Variants in SCN9A observed in about 807,000 individuals in gnomAD.
The protein encoded by SCN9A is sodium voltage-gated channel alpha subunit 9.
SCN9A carries 131 observed loss-of-function variants against 187.0 expected under a neutral mutation model. The ratio of observed to expected loss-of-function variants is 0.70; its 90% confidence interval spans 0.61 to 0.81. The LOEUF is 0.81. SCN9A is among the 30% of genes least tolerant of loss of function. The pLI is 0.00. For missense variants in SCN9A, 2,252 were observed against 2,396.6 expected (o/e 0.94, Z 1.26); for synonymous variants, 809 against 808.6 (o/e 1.00, Z -0.01).
intron 21 of SCN9A, among the ~76,000 whole-genome samples, chr2:166,231,331 A>T (rs1695074126): frequency 6.6e-6 from 1 of 152,172 alleles, no homozygotes; most frequent in African/African-American, 2.4e-5. Flanking sequence ...ACTTTTTTGT[A>T]TAATCATGAT....
At chr2:166,333,490 C>T (rs750724319) in intron 1 of SCN9A, among the ~76,000 whole-genome samples, 3 of 152,070 alleles carry the variant, frequency 2.0e-5, no homozygotes, top group Non-Finnish European at 4.4e-5. Context: ...ATGAGAACAT[C>T]GTGAAGTCCA....
intron 1 of SCN9A, among the ~76,000 whole-genome samples, chr2:166,350,950 TATA>T (rs1700019963): frequency 6.6e-6 from 1 of 152,172 alleles, no homozygotes; most frequent in African/African-American, 2.4e-5. Context: ...TGACTTTTTT[TATA>T]ATATTTTTAA....
chr2:166,367,937 A>C (rs1700457799), intron 1 of SCN9A, among the ~76,000 whole-genome samples: 1 of 152,234 alleles, frequency 6.6e-6, no homozygotes, highest in African/African-American at 2.4e-5. Context: ...AGCTGTAATT[A>C]CATGATTTAG....
At position 166,280,460 on chromosome 2, in the gene SCN9A, T is replaced by A. The variant is rs201744417; in HGVS notation, c.2240A>T (p.Asp747Val). Residue 747 changes from aspartate (D) to valine (V), a missense_variant, in exon 14 of 27, where the codon GAT (aspartate) becomes GTT (valine). Transcript: ENST00000642356. Reference protein sequence around the residue: ...IYFIVMDPFVDLAITICIVLN... With the variant: ...IYFIVMDPFVVLAITICIVLN... ...AACTATGCAAATGGTAATTGCAAGA[T>A]CTACAAAAGGATCCATTACAATAAA... The A allele has an allele frequency of 1.1e-5, 18 of 1,587,924 alleles. No individual in the cohort carries two copies. The highest frequency in any genetic ancestry group is 1.4e-5 in the Non-Finnish European group (16 of 1,164,980).
chr2:166,242,632 C>T lies in SCN9A; in HGVS notation c.3497G>A (p.Cys1166Tyr), dbSNP rs370455223. The T allele has an allele frequency of 8.4e-6, 13 of 1,551,620 alleles. No homozygotes were observed. The highest frequency in any genetic ancestry group is 9.6e-6 in the Non-Finnish European group (11 of 1,146,792). The change falls in exon 19 of 27, where the codon TGC becomes TAC. Residue 1166 changes from cysteine to tyrosine, a missense_variant. By Grantham distance (194) the Cys-to-Tyr change is radical. Coordinates refer to ENST00000642356, the MANE Select transcript of SCN9A (RefSeq NM_001365536.1). ...TTTCCCTGACTCTATGTTAACTTGG[C>T]AGCATGAGAACCTCCATACACAACC... is the stretch of plus-strand genomic sequence containing the variant. ...TDGCVWRFSC[C>Y]QVNIESGKGK... is the part of the protein sequence containing the mutation.
At chr2:166,307,707 G>T (rs924968287) in intron 2 of SCN9A, among the ~76,000 whole-genome samples, 5 of 152,050 alleles carry the variant, frequency 3.3e-5, no homozygotes, top group African/African-American at 1.2e-4. Flanking sequence ...TTTAAAAAAC[G>T]ATATGAATAG....
chr2:166,338,366 T>C (rs1699680792), intron 1 of SCN9A, among the ~76,000 whole-genome samples: 1 of 152,110 alleles, frequency 6.6e-6, no homozygotes, highest in African/African-American at 2.4e-5. Context: ...TTCGGTGCTC[T>C]TTATATTAAA....
chr2:166,306,369 A>G, intron 4 of SCN9A, 141 bp downstream of exon 4: 1 of 644,526 alleles, frequency 1.6e-6, no homozygotes, highest in South Asian at 1.8e-5. Flanking sequence ...AGAGGAGGTA[A>G]AGAACAAAAG....
At chr2:166,304,383 C>G in intron 5 of SCN9A, 54 bp from the exon 6 acceptor site, 2 of 1,475,672 alleles carry the variant, frequency 1.4e-6, no homozygotes, top group Non-Finnish European at 1.9e-6. Flanking sequence ...ATGATACTTA[C>G]CTGAGCCTTT....
Position 166,271,104 on chromosome 2 carries a change from A to G in SCN9A, c.3351+1295T>C, listed in dbSNP as rs527381075. ...AGGTTTTAAAGAGTTCCTGTTCTCA[A>G]TGAATTTACAGTACTATTTGATGCA... is the stretch of plus-strand genomic sequence containing the variant. On this transcript the variant is annotated intron_variant, in intron 17 of 26. Transcript: ENST00000642356. Among the ~76,000 whole-genome samples, 11 of 152,202 alleles carry G rather than the reference A, an allele frequency of 7.2e-5. No homozygotes were observed. In the South Asian group the frequency reaches 2.3e-3, roughly 32 times the overall value.
Position 166,272,674 on chromosome 2 carries a change from G to C in SCN9A, c.3076C>G (p.Gln1026Glu). 6.2e-7 allele frequency: 1 copy of C among 1,609,834 alleles called. No homozygotes were observed. Among genetic ancestry groups the C allele is most frequent in the Non-Finnish European group, 8.5e-7 (1 of 1,177,878 alleles). Residue 1026 changes from glutamine to glutamate, a missense_variant, in exon 17 of 27, where the codon CAA (glutamine) becomes GAA (glutamate). By Grantham distance (29) the Gln-to-Glu change is conservative (BLOSUM62 2). This residue lies in a region of SCN9A where 313 missense variants were observed against 295.3 expected (regional missense o/e 1.06). Transcript: ENST00000642356. ...TTCTTAGTATTCAGATCTTCTGCTT[G>C]TCTTATCTCCCTGGAAATCTTTGGC... ...KKPKISREIR[Q>E]AEDLNTKKEN...
intron 19 of SCN9A, among the ~76,000 whole-genome samples, chr2:166,239,564 C>T (rs1389581284): frequency 6.6e-6 from 1 of 152,076 alleles, no homozygotes; most frequent in Non-Finnish European, 1.5e-5. Flanking sequence ...AAAAGAAGGT[C>T]CCAGCAGTTG....
intron 17 of SCN9A, among the ~76,000 whole-genome samples, chr2:166,265,999 C>A (rs909289624): frequency 6.6e-6 from 1 of 151,530 alleles, no homozygotes; most frequent in African/African-American, 2.4e-5. Flanking sequence ...ATTTATTTTC[C>A]CATTCTGTAG....
At chr2:166,331,796 A>T (rs1177873202) in intron 1 of SCN9A, among the ~76,000 whole-genome samples, 3 of 152,184 alleles carry the variant, frequency 2.0e-5, no homozygotes, top group Non-Finnish European at 2.9e-5. Context: ...TTTATTGCTC[A>T]TCCTTGTAAC....
At chr2:166,249,818 A>G (rs1695957842) in intron 18 of SCN9A, among the ~76,000 whole-genome samples, 1 of 152,150 alleles carries the variant, frequency 6.6e-6, no homozygotes, top group Non-Finnish European at 1.5e-5. Flanking sequence ...CTTTAAGTTG[A>G]TTGATAAGCC....
Position 166,306,975 on chromosome 2 carries a change from T to C in SCN9A, c.358A>G (p.Ile120Val), listed in dbSNP as rs201217172. ...SPFSPLRRIS[I>V]KILVHSLFSM... ...GGATATGAGTGTACTAAAATCTTAATAGATATTCTTCTTAGAGGACTGAAA... is the reference window on the plus strand; with the variant it reads ...GGATATGAGTGTACTAAAATCTTAACAGATATTCTTCTTAGAGGACTGAAA... Residue 120 changes from isoleucine (I) to valine (V), a missense_variant, in exon 3 of 27, where the codon ATT (isoleucine) becomes GTT (valine). Ile to Val is a conservative substitution (Grantham distance 29, BLOSUM62 3). Around this residue, in one of 7 missense-constraint regions of SCN9A, gnomAD observed 1,013 missense variants for 997.4 expected, o/e 1.02. Transcript: ENST00000642356. 2.5e-6 allele frequency: 4 copies of C among 1,588,776 alleles called. No individual in the cohort carries two copies. The highest frequency in any genetic ancestry group is 3.5e-6 in the Non-Finnish European group (4 of 1,157,718).
intron 24 of SCN9A, among the ~76,000 whole-genome samples, chr2:166,208,084 G>A (rs979622025): frequency 9.2e-5 from 14 of 152,184 alleles, no homozygotes; most frequent in Admixed American, 3.3e-4. Flanking sequence ...AGAAACTTGC[G>A]TGGGTGTTTT....
chr2:166,243,672 G>C (rs1199236500), intron 18 of SCN9A, among the ~76,000 whole-genome samples: 2 of 151,840 alleles, frequency 1.3e-5, no homozygotes, highest in East Asian at 1.9e-4. Context: ...AAGAGGCAAG[G>C]GTGAGAGGTG....
At chr2:166,356,404 C>T (rs541831570) in intron 1 of SCN9A, among the ~76,000 whole-genome samples, 6 of 152,198 alleles carry the variant, frequency 3.9e-5, no homozygotes, top group African/African-American at 1.4e-4. Context: ...GATTATCATC[C>T]TAAGCATCAG....
Sources: allele counts gnomAD v4.1 joint callset (sites outside exome capture counted in the v4.1 genomes callset), GRCh38; gene constraint gnomAD v4.1.1; regional missense constraint gnomAD v4.1.1; transcripts MANE v1.5; gene names NCBI Gene and HGNC (gene_info 2026-07-23, HGNC 2026-07-21).